Variants in MARK1 observed in about 807,000 individuals in gnomAD.
The protein encoded by MARK1 is microtubule affinity regulating kinase 1, also known as serine/threonine-protein kinase MARK1.
In MARK1, 40 loss-of-function variants were observed where a neutral mutation model predicts 96.3. The observed-to-expected ratio is 0.42, with a 90% CI of 0.32 to 0.54. MARK1 has a LOEUF of 0.54. Among genes scored for constraint, MARK1 ranks in the 20% least tolerant of loss-of-function variants. The pLI, the probability that MARK1 is intolerant of heterozygous loss-of-function variation, is 0.16. For synonymous variants in MARK1, 317 were observed against 341.2 expected, an observed-to-expected ratio of 0.93 and a Z score of 0.78; for missense variants, 719 against 984.6, an observed-to-expected ratio of 0.73 and a Z score of 3.61.
rs1376799497 is a variant in MARK1, at chr1:220,528,161, C to T, written c.-662C>T. 1 of 150,614 alleles carries T rather than the reference C, an allele frequency of 6.6e-6. No homozygotes were observed. Among genetic ancestry groups the T allele is most frequent in the Non-Finnish European group, 1.5e-5 (1 of 67,490 alleles). The allele number at this position is 150,614 out of a possible 1,614,324, so 9.3% of individuals were successfully genotyped here. ...ACCCGGCGGCGGCCGCCAAGTGCCT[C>T]TGGGCGCTGCGTGCCGCGCCCGCTG... On this transcript the variant is annotated 5_prime_UTR_variant, in exon 1 of 18. Transcript: ENST00000366917.
At chr1:220,584,842 T>A (rs1239678489) in intron 3 of MARK1, among the ~76,000 whole-genome samples, 2 of 152,226 alleles carry the variant, frequency 1.3e-5, no homozygotes, top group Admixed American at 1.3e-4. Flanking sequence ...AATGTCACTA[T>A]TGGACATATA....
At chr1:220,628,939 T>G (rs1205705625) in intron 9 of MARK1, among the ~76,000 whole-genome samples, 6 of 150,672 alleles carry the variant, frequency 4.0e-5, no homozygotes, top group Non-Finnish European at 7.4e-5. Flanking sequence ...AAAAATCATG[T>G]GATGATGACT....
chr1:220,612,071 C>A (rs1164414991), intron 6 of MARK1, among the ~76,000 whole-genome samples: 2 of 152,180 alleles, frequency 1.3e-5, no homozygotes, highest in Non-Finnish European at 2.9e-5. Flanking sequence ...TAATATCAGT[C>A]ACAGTAGCTT....
At chr1:220,555,674 TAA>T (rs1662197477) in intron 1 of MARK1, among the ~76,000 whole-genome samples, 1 of 152,170 alleles carries the variant, frequency 6.6e-6, no homozygotes, top group African/African-American at 2.4e-5. Flanking sequence ...ATTTGGAAAT[TAA>T]GTTATGTTTG....
rs774875100 is a variant in MARK1 at position 220,579,494 on chromosome 1, A to C, written c.192A>C (p.Lys64Asn). The C allele has an allele frequency of 1.9e-6, 3 of 1,614,116 alleles. No individual in the cohort carries two copies. ...QPHIGNYRLQKTIGKGNFAKV... is the reference protein window; with the variant it reads ...QPHIGNYRLQNTIGKGNFAKV... ...ACATTGGAAATTACCGTTTACAAAA[A>C]ACAATAGGGAAGGGAAATTTTGCCA... is the stretch of plus-strand genomic sequence containing the variant. The change falls in exon 2 of 18, where the codon AAA becomes AAC. Residue 64 changes from lysine (K) to asparagine (N), a missense_variant. By Grantham distance (94) the Lys-to-Asn change is moderately conservative. Transcript: ENST00000366917.
At chr1:220,533,022 A>AT (rs1660427412) in intron 1 of MARK1, among the ~76,000 whole-genome samples, 1 of 151,516 alleles carries the variant, frequency 6.6e-6, no homozygotes, top group Admixed American at 6.6e-5. Flanking sequence ...TAAAAAAAAA[A>AT]ATAGATTTTA....
intron 5 of MARK1, among the ~76,000 whole-genome samples, chr1:220,600,632 A>C (rs897224695): frequency 6.6e-6 from 1 of 152,190 alleles, no homozygotes; most frequent in Admixed American, 6.5e-5. Context: ...GTAAAAATAA[A>C]GAATACTTAA....
chr1:220,643,825 T>A (rs1228418568), intron 13 of MARK1, among the ~76,000 whole-genome samples: 1 of 152,172 alleles, frequency 6.6e-6, no homozygotes, highest in Non-Finnish European at 1.5e-5. Context: ...CAAACTAAGC[T>A]TCAAAAATGA....
chr1:220,607,014 T>C (rs1419557179), intron 6 of MARK1, among the ~76,000 whole-genome samples: 1 of 152,208 alleles, frequency 6.6e-6, no homozygotes, highest in Non-Finnish European at 1.5e-5. Context: ...GGCTCTTTTT[T>C]GGTTCCATAT....
intron 5 of MARK1, among the ~76,000 whole-genome samples, chr1:220,601,863 T>C (rs2102914841): frequency 1.3e-5 from 2 of 151,876 alleles, no homozygotes; most frequent in Middle Eastern, 3.4e-3. Context: ...CAGTGGGGAG[T>C]AGTGTAGAGA....
In MARK1 at chr1:220,618,383, T is replaced by A; in HGVS notation, c.626T>A (p.Val209Asp). The A allele has an allele frequency of 5.0e-6, 8 of 1,614,168 alleles. No individual in the cohort carries two copies. Among genetic ancestry groups the A allele is most frequent in the Non-Finnish European group, 5.9e-6 (7 of 1,180,008 alleles). Residue 209 changes from valine (V) to aspartate (D), a missense_variant, in exon 8 of 18, where the codon GTT (valine) becomes GAT (aspartate). Physicochemically the swap from Val to Asp is radical, Grantham distance 152. Transcript: ENST00000366917. This position sits in a 1 kb window ranked among gnomAD's most constrained non-coding sequence, Gnocchi z 4.6. ...ADFGFSNEFT[V>D]GNKLDTFCGS... Reference sequence around the variant, plus strand: ...TTTGGTTTTAGTAATGAATTTACAGTTGGGAACAAATTGGACACATTTTGT... The same window carrying A: ...TTTGGTTTTAGTAATGAATTTACAGATGGGAACAAATTGGACACATTTTGT...
intron 1 of MARK1, among the ~76,000 whole-genome samples, chr1:220,574,942 A>T (rs1446862008): frequency 6.6e-6 from 1 of 152,208 alleles, no homozygotes; most frequent in Admixed American, 6.5e-5. Context: ...CTAATATGTT[A>T]TCTGACTTTT....
chr1:220,662,611 A>G lies in MARK1; in HGVS notation c.*445A>G, dbSNP rs1302885164. On this transcript the variant is annotated 3_prime_UTR_variant, in exon 18 of 18. Coordinates refer to ENST00000366917, the MANE Select transcript of MARK1 (RefSeq NM_018650.5). ...TGTCCAGAATTAAAAGTGCATAGAA[A>G]TAGCCTTTACAATTGTAGCATGGAC... is the stretch of plus-strand genomic sequence containing the variant. 6.3e-6 allele frequency: 1 copy of G among 157,800 alleles called. No individual in the cohort carries two copies. The highest frequency in any genetic ancestry group is 1.8e-4 in the East Asian group (1 of 5,424). 9.8% of individuals were successfully genotyped at this position (157,800 alleles called of 1,614,324 possible). A position where few individuals can be genotyped will look rare whatever the true frequency, so the allele number is the denominator to read the frequency against.
At chr1:220,571,531 A>C (rs1033779994) in intron 1 of MARK1, among the ~76,000 whole-genome samples, 1 of 152,170 alleles carries the variant, frequency 6.6e-6, no homozygotes, top group Non-Finnish European at 1.5e-5. Flanking sequence ...CAAATGCCAA[A>C]ACAGGGGAAA....
chr1:220,587,479 C>T (rs1160567223), intron 3 of MARK1, among the ~76,000 whole-genome samples: 25 of 152,072 alleles, frequency 1.6e-4, no homozygotes, highest in Admixed American at 1.6e-3. Context: ...GGTGATTCTC[C>T]TGCCTTAGCC....
chr1:220,636,139 T>C (rs1667951057), intron 13 of MARK1, 113 bp downstream of exon 13: 2 of 738,806 alleles, frequency 2.7e-6, no homozygotes, highest in Non-Finnish European at 4.1e-6. Flanking sequence ...AAGGGAATTA[T>C]AATTTAAAGA....
intron 6 of MARK1, among the ~76,000 whole-genome samples, chr1:220,609,068 A>C (rs1474841974): frequency 1.3e-5 from 2 of 152,212 alleles, no homozygotes; most frequent in African/African-American, 4.8e-5. Context: ...GATGTCTGTT[A>C]GGTCTGCTTG....
intron 2 of MARK1, 31 bp from the exon 3 acceptor site, chr1:220,581,034 C>CA: frequency 2.0e-6 from 2 of 996,842 alleles, no homozygotes. Context: ...ATGCATTTTT[C>CA]AAATAGAGTT....
At chr1:220,590,975 C>A (rs972178302) in intron 3 of MARK1, among the ~76,000 whole-genome samples, 1 of 152,114 alleles carries the variant, frequency 6.6e-6, no homozygotes, top group Non-Finnish European at 1.5e-5. Flanking sequence ...CTGATTAGAA[C>A]TTTGGCCCTG....
Sources: allele counts gnomAD v4.1 joint callset (sites outside exome capture counted in the v4.1 genomes callset), GRCh38; gene constraint gnomAD v4.1.1; non-coding constraint Gnocchi (gnomAD v3.1); transcripts MANE v1.5; gene names NCBI Gene and HGNC (gene_info 2026-07-23, HGNC 2026-07-21).